Variants in APAF1 observed in about 807,000 individuals in gnomAD.
APAF1 encodes apoptotic protease-activating factor 1.
APAF1 carries 91 observed loss-of-function variants against 152.4 expected under a neutral mutation model. The ratio of observed to expected loss-of-function variants is 0.60; its 90% CI spans 0.50 to 0.71. The LOEUF is 0.71. Ranked by LOEUF, APAF1 falls within the 30% of genes least tolerant of loss-of-function variation. The pLI is 0.00. For missense variants in APAF1, 1,283 were observed against 1,472.0 expected, an observed-to-expected ratio of 0.87 and a Z score of 2.10; for synonymous variants, 484 against 494.1, an observed-to-expected ratio of 0.98 and a Z score of 0.27.
intron 25 of APAF1, 95 bp downstream of exon 25, chr12:98,725,635 T>C: frequency 1.3e-6 from 2 of 1,563,550 alleles, no homozygotes; most frequent in Non-Finnish European, 8.8e-7. Flanking sequence ...CAGGGAAGCA[T>C]AGTCCTGAAG....
In APAF1 at chr12:98,732,561, G is replaced by C. The variant is rs1160150643; in HGVS notation, c.3742G>C (p.Glu1248Gln). Residue 1248 changes from glutamate (E) to glutamine (Q), a missense_variant, in exon 27 of 27, where the codon GAA (glutamate) becomes CAA (glutamine). Glu to Gln is a conservative substitution (Grantham distance 29). Transcript: ENST00000551964. ...TATTTTATATATTTTACAGACTTTAGAATAAAATAGTTAAGCATTAATGTA... is the reference window on the plus strand; with the variant it reads ...TATTTTATATATTTTACAGACTTTACAATAAAATAGTTAAGCATTAATGTA... ...LGILYILQTL[E>Q] 3.9e-6 allele frequency: 6 copies of C among 1,555,012 alleles called. No individual in the cohort carries two copies. The highest frequency in any genetic ancestry group is 5.3e-6 in the Non-Finnish European group (6 of 1,128,240).
intron 12 of APAF1, among the ~76,000 whole-genome samples, chr12:98,675,194 G>T (rs578259044): frequency 6.6e-6 from 1 of 152,144 alleles, no homozygotes; most frequent in South Asian, 2.1e-4. Context: ...AAAGGTTTAG[G>T]TTGGTATAAG....
chr12:98,695,114 G>A (rs148185299), intron 16 of APAF1, among the ~76,000 whole-genome samples: 268 of 151,740 alleles, frequency 1.8e-3, no homozygotes, highest in Non-Finnish European at 3.0e-3. Flanking sequence ...GTGCAGTGGC[G>A]TGATCTCAGC....
At chr12:98,651,376 G>T (rs2097648744) in intron 4 of APAF1, among the ~76,000 whole-genome samples, 1 of 152,086 alleles carries the variant, frequency 6.6e-6, no homozygotes, top group Non-Finnish European at 1.5e-5. Flanking sequence ...TATGTATGTT[G>T]TTGGTATGCA....
intron 17 of APAF1, among the ~76,000 whole-genome samples, chr12:98,701,854 C>CT: frequency 6.6e-6 from 1 of 152,192 alleles, no homozygotes; most frequent in African/African-American, 2.4e-5. Flanking sequence ...ATTGTTAGGT[C>CT]TTTTTTCTTT....
chr12:98,690,445 T>G (rs1197121126), intron 16 of APAF1, among the ~76,000 whole-genome samples: 1 of 152,246 alleles, frequency 6.6e-6, no homozygotes, highest in Admixed American at 6.5e-5. Context: ...CCTTTCATTT[T>G]GTCAGCCTAT....
Position 98,648,714 on chromosome 12 carries a change from T to C in APAF1, c.227T>C (p.Leu76Pro), listed in dbSNP as rs376597105. ...TACGTATCATTCTACAATGCTCTAC[T>C]ACATGAAGGATATAAAGATCTTGCT... The part of the protein sequence containing the change: ...DSYVSFYNAL[L>P]HEGYKDLAAL... Residue 76 changes from leucine to proline, a missense_variant, in exon 3 of 27, where the codon CTA (leucine) becomes CCA (proline). Transcript: ENST00000551964. 6.2e-7 allele frequency: 1 copy of C among 1,613,708 alleles called. No homozygotes were observed. The highest frequency in any genetic ancestry group is 8.5e-7 in the Non-Finnish European group (1 of 1,179,754).
intron 16 of APAF1, among the ~76,000 whole-genome samples, chr12:98,692,033 C>T (rs1411033139): frequency 6.6e-6 from 1 of 152,176 alleles, no homozygotes; most frequent in African/African-American, 2.4e-5. Flanking sequence ...AGTTATTGCA[C>T]TCCAAACTGA....
intron 13 of APAF1, among the ~76,000 whole-genome samples, chr12:98,678,809 G>C (rs1327665322): frequency 1.3e-5 from 2 of 152,240 alleles, no homozygotes; most frequent in African/African-American, 4.8e-5. Flanking sequence ...GCACATGCTT[G>C]GGGCAGTGCT....
At chr12:98,676,683 G>C (rs2097686898) in intron 12 of APAF1, among the ~76,000 whole-genome samples, 1 of 141,350 alleles carries the variant, frequency 7.1e-6, no homozygotes, top group African/African-American at 2.7e-5. Flanking sequence ...GTCTTGCTCT[G>C]TCGCCCAGGC....
At chr12:98,721,321 CA>C (rs1342105318) in intron 22 of APAF1, among the ~76,000 whole-genome samples, 1 of 152,178 alleles carries the variant, frequency 6.6e-6, no homozygotes, top group African/African-American at 2.4e-5. Context: ...GTTCTTGATG[CA>C]GAGGGCAGAA....
intron 12 of APAF1, among the ~76,000 whole-genome samples, chr12:98,672,638 A>G (rs1177184061): frequency 1.3e-5 from 2 of 152,176 alleles, no homozygotes; most frequent in African/African-American, 4.8e-5. Context: ...TCCTTATAAA[A>G]AGGAAAGGAT....
At chr12:98,686,045 A>G (rs928579717) in intron 15 of APAF1, among the ~76,000 whole-genome samples, 1 of 152,210 alleles carries the variant, frequency 6.6e-6, no homozygotes. Context: ...ATCATACCAT[A>G]CTATTATCAC....
Position 98,662,956 on chromosome 12 carries a change from A to C in APAF1, c.955+150A>C, listed in dbSNP as rs968592003. The C allele has an allele frequency of 9.4e-6, 6 of 640,368 alleles. No individual in the cohort carries two copies. The African/African-American group carries it at 1.1e-4, about 12-fold the overall frequency. The allele number at this position is 640,368 out of a possible 1,614,324, so 39.7% of individuals were successfully genotyped here. A position where few individuals can be genotyped will look rare whatever the true frequency, so the allele number is the denominator to read the frequency against. ...TATTTTAGGTTCTCTGATATCTTAA[A>C]TGGATACATGATATTATGGTATTTA... On this transcript the variant is annotated intron_variant, in intron 7 of 26. Coordinates refer to ENST00000551964, the MANE Select transcript of APAF1 (RefSeq NM_181861.2).
At chr12:98,658,934 C>T (rs2097661206) in intron 4 of APAF1, among the ~76,000 whole-genome samples, 2 of 152,160 alleles carry the variant, frequency 1.3e-5, no homozygotes, top group South Asian at 4.1e-4. Flanking sequence ...TCCCGATAAG[C>T]CACAGATTTA....
chr12:98,683,787 G>T (rs1361696043), intron 15 of APAF1, among the ~76,000 whole-genome samples: 1 of 152,224 alleles, frequency 6.6e-6, no homozygotes, highest in Non-Finnish European at 1.5e-5. Context: ...TTATATGGAA[G>T]TGGGACAAAT....
intron 22 of APAF1, among the ~76,000 whole-genome samples, chr12:98,721,905 A>G (rs2153343182): frequency 1.3e-5 from 2 of 152,308 alleles, no homozygotes; most frequent in South Asian, 4.2e-4. Flanking sequence ...AAAAAGCTAG[A>G]CTCAGAATGT....
At chr12:98,727,365 C>A in intron 26 of APAF1, 49 bp downstream of exon 26, 2 of 1,598,620 alleles carry the variant, frequency 1.3e-6, no homozygotes, top group Non-Finnish European at 8.6e-7. Context: ...CTATATCATA[C>A]TTTCCAAGCT....
rs139951279 is a variant in APAF1, at chr12:98,648,758, A to T, written c.271A>T (p.Ile91Phe). Reference protein sequence around the residue: ...KDLAALLHDGIPVVSSSSGKD... With the variant: ...KDLAALLHDGFPVVSSSSGKD... ...TCTTGCTGCCCTTCTCCATGATGGC[A>T]TTCCTGTTGTCTCTTCTTCCAGTGG... Residue 91 changes from isoleucine (I) to phenylalanine (F), a missense_variant, in exon 3 of 27, where the codon ATT (isoleucine) becomes TTT (phenylalanine). By Grantham distance (21) the Ile-to-Phe change is conservative. Coordinates refer to ENST00000551964, the MANE Select transcript of APAF1 (RefSeq NM_181861.2). The T allele has an allele frequency of 5.6e-6, 9 of 1,614,056 alleles. No homozygotes were observed. Among genetic ancestry groups the T allele is most frequent in the Non-Finnish European group, 7.6e-6 (9 of 1,179,972 alleles).
Sources: allele counts gnomAD v4.1 joint callset (sites outside exome capture counted in the v4.1 genomes callset), GRCh38; gene constraint gnomAD v4.1.1; transcripts MANE v1.5; gene names NCBI Gene and HGNC (gene_info 2026-07-23, HGNC 2026-07-21).